The following FBXW4 variants were observed in gnomAD, a reference collection of about 807,000 sequenced individuals.
The protein encoded by FBXW4 is F-box and WD repeat domain containing 4, also known as F-box/WD repeat-containing protein 4.
Under a neutral mutation model 61.8 loss-of-function variants are expected in FBXW4, and 40 were observed. The observed-to-expected ratio is 0.65, with a 90% CI of 0.50 to 0.84. The LOEUF is 0.84. FBXW4 is among the 40% of genes least tolerant of loss of function. The probability of loss-of-function intolerance (pLI) is 0.00; values close to 1 mark genes in which losing one functional copy is unlikely to be tolerated. For missense variants in FBXW4, 672 were observed against 753.8 expected (o/e 0.89, Z 1.27); for synonymous variants, 311 against 313.8 (o/e 0.99, Z 0.10).
intron 6 of FBXW4, 138 bp downstream of exon 6, chr10:101,624,607 C>A (rs1456237380): frequency 2.5e-6 from 2 of 790,952 alleles, no homozygotes; most frequent in Non-Finnish European, 2.2e-6. Flanking sequence ...TGTGAGAAGG[C>A]ACCACAGCAG....
At chr10:101,678,336 C>T (rs1458967812) in intron 1 of FBXW4, among the ~76,000 whole-genome samples, 1 of 152,210 alleles carries the variant, frequency 6.6e-6, no homozygotes, top group African/African-American at 2.4e-5. Context: ...GCTCCACTGC[C>T]CATACAAGGT....
At chr10:101,646,571 G>A (rs1433123690) in intron 5 of FBXW4, among the ~76,000 whole-genome samples, 1 of 152,242 alleles carries the variant, frequency 6.6e-6, no homozygotes, top group African/African-American at 2.4e-5. Context: ...TTGGGCTGGG[G>A]CCCAGACTGT....
intron 5 of FBXW4, chr10:101,659,558 A>C (rs1273591727): frequency 3.0e-6 from 1 of 338,942 alleles, no homozygotes; most frequent in Non-Finnish European, 4.2e-6. Context: ...TGTCTAGTAC[A>C]CATTCTTGTC....
intron 5 of FBXW4, among the ~76,000 whole-genome samples, chr10:101,664,897 C>A (rs963527117): frequency 2.1e-4 from 32 of 152,132 alleles, no homozygotes; most frequent in African/African-American, 7.2e-4. Context: ...TATTTCAGGT[C>A]ATCTTCACAA....
At chr10:101,617,862 G>T (rs1004112251) in intron 6 of FBXW4, among the ~76,000 whole-genome samples, 2 of 152,080 alleles carry the variant, frequency 1.3e-5, no homozygotes, top group African/African-American at 4.8e-5. Context: ...AAGAAAGAAA[G>T]AAATTACAGG....
intron 1 of FBXW4, among the ~76,000 whole-genome samples, chr10:101,692,004 G>A (rs1340504496): frequency 3.3e-5 from 5 of 152,106 alleles, no homozygotes; most frequent in East Asian, 1.9e-4. Flanking sequence ...TAACATTTTC[G>A]GAAATACATA....
At chr10:101,624,975 T>A in intron 5 of FBXW4, 165 bp from the exon 6 acceptor site, 1 of 734,974 alleles carries the variant, frequency 1.4e-6, no homozygotes, top group Non-Finnish European at 2.3e-6. Flanking sequence ...GAAGACATCT[T>A]GGAGCACTGT....
intron 6 of FBXW4, among the ~76,000 whole-genome samples, chr10:101,613,517 C>T (rs904955468): frequency 6.6e-6 from 1 of 152,226 alleles, no homozygotes; most frequent in Non-Finnish European, 1.5e-5. Context: ...AGGTAAGAGG[C>T]CCTGGCATGG....
chr10:101,684,511 C>A (rs1233844511), intron 1 of FBXW4, among the ~76,000 whole-genome samples: 1 of 152,094 alleles, frequency 6.6e-6, no homozygotes, highest in African/African-American at 2.4e-5. Flanking sequence ...CTCAAATGAT[C>A]CACCTGCCTC....
intron 1 of FBXW4, among the ~76,000 whole-genome samples, chr10:101,681,708 C>T (rs960248316): frequency 7.4e-6 from 1 of 135,388 alleles, no homozygotes; most frequent in Non-Finnish European, 1.6e-5. Context: ...CAGAGCGAGA[C>T]TCCGTCTCAA....
chr10:101,617,107 A>C (rs1319563694), intron 6 of FBXW4, among the ~76,000 whole-genome samples: 1 of 152,178 alleles, frequency 6.6e-6, no homozygotes, highest in Non-Finnish European at 1.5e-5. Flanking sequence ...ACATATCCTG[A>C]GTCCATACTG....
intron 5 of FBXW4, among the ~76,000 whole-genome samples, chr10:101,659,786 T>A (rs905174791): frequency 5.3e-5 from 8 of 152,242 alleles, no homozygotes; most frequent in Non-Finnish European, 1.2e-4. Flanking sequence ...CTAGTATGTA[T>A]GGTATGCATA....
intron 5 of FBXW4, among the ~76,000 whole-genome samples, chr10:101,631,819 G>A (rs1202646402): frequency 6.6e-6 from 1 of 152,022 alleles, no homozygotes; most frequent in Non-Finnish European, 1.5e-5. Flanking sequence ...AGTAGAGATG[G>A]GGTTTCGCCG....
intron 5 of FBXW4, among the ~76,000 whole-genome samples, chr10:101,631,093 C>A (rs2063951963): frequency 1.3e-5 from 2 of 151,962 alleles, no homozygotes; most frequent in African/African-American, 4.8e-5. Flanking sequence ...CGAATAAGAA[C>A]AAGATGCCTA....
rs2064642416 is a variant in FBXW4, at chr10:101,694,109, T to A, written c.725+272A>T. On this transcript the variant is annotated intron_variant, in intron 1 of 8. Transcript: ENST00000331272. This position sits in a 1 kb window ranked among gnomAD's most constrained non-coding sequence, Gnocchi z 6.0. ...ACACACAATCGAAAGCTGTAGGGAG[T>A]GCCTAAGATGGCTAATTGTGAGGAG... 6.6e-6 allele frequency among the ~76,000 whole-genome samples: 1 copy of A among 151,688 alleles called. No individual in the cohort carries two copies. The highest frequency in any genetic ancestry group is 6.6e-5 in the Admixed American group (1 of 15,264).
intron 5 of FBXW4, among the ~76,000 whole-genome samples, chr10:101,647,277 T>C (rs1018860220): frequency 2.0e-5 from 3 of 152,226 alleles, no homozygotes; most frequent in African/African-American, 7.2e-5. Flanking sequence ...TCTGCCCCCA[T>C]CAGCTCTTTT....
chr10:101,624,813 G>A lies in FBXW4; in HGVS notation c.1236-3C>T. On this transcript the variant is annotated splice_region_variant and splice_polypyrimidine_tract_variant and intron_variant, in intron 5 of 8. Coordinates refer to ENST00000331272, the MANE Select transcript of FBXW4 (RefSeq NM_022039.4). ...AAGCCGTCCCTGTCACAAAAGAGCT[G>A]CCAAACAAAAGGAGAACAAAGTCAG... 6.2e-7 allele frequency: 1 copy of A among 1,614,256 alleles called. No individual in the cohort carries two copies. The highest frequency in any genetic ancestry group is 8.5e-7 in the Non-Finnish European group (1 of 1,180,030).
intron 5 of FBXW4, 86 bp downstream of exon 5, chr10:101,667,800 C>T: frequency 1.6e-6 from 2 of 1,219,866 alleles, no homozygotes; most frequent in Non-Finnish European, 1.2e-6. Context: ...GAATACACAA[C>T]AGGAAGATTT....
chr10:101,651,580 G>A (rs560008345), intron 5 of FBXW4, among the ~76,000 whole-genome samples: 98 of 152,170 alleles, frequency 6.4e-4, no homozygotes, highest in African/African-American at 2.3e-3. Context: ...GATGAGTTAG[G>A]GACAAAAATG....
Sources: allele counts gnomAD v4.1 joint callset (sites outside exome capture counted in the v4.1 genomes callset), GRCh38; gene constraint gnomAD v4.1.1; non-coding constraint Gnocchi (gnomAD v3.1); transcripts MANE v1.5; gene names NCBI Gene and HGNC (gene_info 2026-07-23, HGNC 2026-07-21).